PRDM16: variants seen among roughly 807,000 people sequenced by gnomAD.
The protein encoded by PRDM16 is PR/SET domain 16, also known as histone-lysine N-methyltransferase PRDM16.
A neutral mutation model predicts 110.6 loss-of-function variants in PRDM16; 23 were observed. The ratio of observed to expected loss-of-function variants is 0.21; its 90% CI spans 0.15 to 0.29. PRDM16 has a LOEUF of 0.29. Among genes scored for constraint, PRDM16 ranks in the 10% least tolerant of loss-of-function variants. PRDM16 has a pLI of 1.00. For synonymous variants in PRDM16, 799 were observed against 781.8 expected, an observed-to-expected ratio of 1.02 and a Z score of -0.37; for missense variants, 1,615 against 1,794.3, an observed-to-expected ratio of 0.90 and a Z score of 1.81.
Position 3,221,341 on chromosome 1 carries a change from G to A in PRDM16, c.388-22746G>A, listed in dbSNP as rs2651896. Among the ~76,000 whole-genome samples the A allele has an allele frequency of 4.3e-4, 65 of 152,208 alleles. 1 individual carries two copies. Among genetic ancestry groups the A allele is most frequent in the African/African-American group, 1.4e-3 (57 of 41,452 alleles). The stretch of plus-strand genomic sequence containing the variant: ...AAGTCATGAGCCTCTCTGAGCCTCC[G>A]GTTCAGCGTAACAGAGACAATCAAA... On this transcript the variant is annotated intron_variant, in intron 2 of 16. Coordinates refer to ENST00000270722, the MANE Select transcript of PRDM16 (RefSeq NM_022114.4).
chr1:3,425,517 T>C lies in PRDM16; in HGVS notation c.2940-64T>C. 1 of 1,542,378 alleles carries C rather than the reference T, an allele frequency of 6.5e-7. No individual in the cohort carries two copies. Among genetic ancestry groups the C allele is most frequent in the Non-Finnish European group, 8.8e-7 (1 of 1,131,868 alleles). On this transcript the variant is annotated intron_variant, in intron 12 of 16. Coordinates refer to ENST00000270722, the MANE Select transcript of PRDM16 (RefSeq NM_022114.4). The surrounding 1 kb of genome is among the most constrained non-coding windows in gnomAD (Gnocchi z 6.9). Reference sequence around the variant, plus strand: ...GGCGCGGGCTCCCTTCCCCCCACCCTCTGTGGCCCGGCCTGCCATGCAGAG... The same window carrying C: ...GGCGCGGGCTCCCTTCCCCCCACCCCCTGTGGCCCGGCCTGCCATGCAGAG...
chr1:3,197,566 C>T (rs1007193771), intron 2 of PRDM16, among the ~76,000 whole-genome samples: 8 of 152,230 alleles, frequency 5.3e-5, no homozygotes, highest in East Asian at 1.9e-4. Context: ...GGTAGGCCTA[C>T]GAGGGCGGCA....
At chr1:3,223,532 A>G (rs1177963860) in intron 2 of PRDM16, among the ~76,000 whole-genome samples, 9 of 152,168 alleles carry the variant, frequency 5.9e-5, no homozygotes, top group African/African-American at 2.2e-4. Flanking sequence ...AAGACTGGCC[A>G]TCCAAGTACG....
intron 3 of PRDM16, among the ~76,000 whole-genome samples, chr1:3,379,024 C>G (rs1643045101): frequency 6.6e-6 from 1 of 151,760 alleles, no homozygotes; most frequent in Non-Finnish European, 1.5e-5. Context: ...ACTGTGATAG[C>G]AGACACAGGC....
chr1:3,304,760 A>G (rs916870808), intron 3 of PRDM16, among the ~76,000 whole-genome samples: 2 of 152,084 alleles, frequency 1.3e-5, no homozygotes, highest in Non-Finnish European at 2.9e-5. Context: ...GCAGGGGCCA[A>G]TGCTCTGGAA....
At chr1:3,149,336 G>A (rs537693769) in intron 1 of PRDM16, among the ~76,000 whole-genome samples, 5 of 152,130 alleles carry the variant, frequency 3.3e-5, no homozygotes, top group Admixed American at 6.5e-5. Flanking sequence ...CAGTGGCTCC[G>A]AGATTCCCAA....
intron 4 of PRDM16, among the ~76,000 whole-genome samples, chr1:3,385,663 C>A (rs1643182539): frequency 6.6e-6 from 1 of 152,252 alleles, no homozygotes; most frequent in African/African-American, 2.4e-5. Context: ...GGAACAGTCA[C>A]TGAAAGAATC....
intron 3 of PRDM16, among the ~76,000 whole-genome samples, chr1:3,330,107 T>C (rs1033954830): frequency 6.6e-6 from 1 of 152,228 alleles, no homozygotes; most frequent in Non-Finnish European, 1.5e-5. Context: ...AAGGATGCCT[T>C]TGAGACTTCT....
At chr1:3,413,425 G>T (rs1040832007) in intron 9 of PRDM16, among the ~76,000 whole-genome samples, 3 of 152,116 alleles carry the variant, frequency 2.0e-5, no homozygotes, top group Non-Finnish European at 1.5e-5. Flanking sequence ...TGTCTCTGAT[G>T]CCTCTCTTGG....
At chr1:3,292,037 A>ACC (rs1640984111) in intron 3 of PRDM16, among the ~76,000 whole-genome samples, 1 of 152,062 alleles carries the variant, frequency 6.6e-6, no homozygotes, top group African/African-American at 2.4e-5. Flanking sequence ...TGGCCGCAGG[A>ACC]CCCCGCAGGA....
In PRDM16 at chr1:3,340,446, G is replaced by A. The variant is rs144986432; in HGVS notation, c.439-44706G>A. Among the ~76,000 whole-genome samples the A allele has an allele frequency of 5.0e-3, 768 of 152,342 alleles. 3 individuals carry two copies. Among genetic ancestry groups the A allele is most frequent in the Non-Finnish European group, 8.2e-3 (557 of 68,032 alleles). On this transcript the variant is annotated intron_variant, in intron 3 of 16. Coordinates refer to ENST00000270722, the MANE Select transcript of PRDM16 (RefSeq NM_022114.4). Reference sequence around the variant, plus strand: ...TAAATACCAAACACCCGCTCCCGGAGAGCCAGCGCCATGGATCAGTGCATC... The same window carrying A: ...TAAATACCAAACACCCGCTCCCGGAAAGCCAGCGCCATGGATCAGTGCATC...
At chr1:3,393,634 G>A (rs1454196103) in intron 4 of PRDM16, among the ~76,000 whole-genome samples, 1 of 152,202 alleles carries the variant, frequency 6.6e-6, no homozygotes, top group African/African-American at 2.4e-5. Context: ...GTCCCGGGAA[G>A]TCGCCTGACC....
chr1:3,323,997 G>A (rs1473833311), intron 3 of PRDM16, among the ~76,000 whole-genome samples: 1 of 152,206 alleles, frequency 6.6e-6, no homozygotes, highest in African/African-American at 2.4e-5. Flanking sequence ...GAAAAGGAAA[G>A]AAAGAGCTTG....
At chr1:3,369,495 A>G (rs1044022479) in intron 3 of PRDM16, among the ~76,000 whole-genome samples, 9 of 151,752 alleles carry the variant, frequency 5.9e-5, no homozygotes, top group African/African-American at 2.2e-4. Flanking sequence ...AGTTTCCAGC[A>G]TCTCCGTTCT....
At chr1:3,320,314 ATGTG>A (rs377472497) in intron 3 of PRDM16, among the ~76,000 whole-genome samples, 1 of 151,918 alleles carries the variant, frequency 6.6e-6, no homozygotes, top group East Asian at 1.9e-4. Flanking sequence ...TCAAGAGTAG[ATGTG>A]TGTGTGTGTG....
At chr1:3,328,025 C>T (rs145400356) in intron 3 of PRDM16, among the ~76,000 whole-genome samples, 3 of 152,324 alleles carry the variant, frequency 2.0e-5, no homozygotes, top group East Asian at 3.9e-4. Flanking sequence ...CTCTGGGGAC[C>T]GGAATCCCCC....
At chr1:3,235,214 C>T (rs1639511017) in intron 2 of PRDM16, among the ~76,000 whole-genome samples, 2 of 152,210 alleles carry the variant, frequency 1.3e-5, no homozygotes, top group African/African-American at 2.4e-5. Flanking sequence ...CCCTCGGAAG[C>T]TCTGAGACCA....
intron 1 of PRDM16, among the ~76,000 whole-genome samples, chr1:3,101,828 G>A (rs1280860034): frequency 6.6e-6 from 1 of 152,206 alleles, no homozygotes; most frequent in Non-Finnish European, 1.5e-5. Flanking sequence ...CCGTGTTAGG[G>A]CAAGACTGGG....
At chr1:3,274,963 G>A (rs1640549286) in intron 3 of PRDM16, among the ~76,000 whole-genome samples, 1 of 152,176 alleles carries the variant, frequency 6.6e-6, no homozygotes, top group South Asian at 2.1e-4. Context: ...CTGGGAACTT[G>A]CTCGAGATTT....
Sources: gnomAD v4.1 joint callset for allele counts (sites outside exome capture counted in the v4.1 genomes callset) on GRCh38, gnomAD v4.1.1 for gene constraint, Gnocchi (gnomAD v3.1) non-coding constraint, MANE v1.5 for transcripts, NCBI Gene and HGNC (gene_info 2026-07-23, HGNC 2026-07-21) for gene names.